Variants in ENPP6 observed in about 807,000 individuals in gnomAD.
ENPP6 encodes ectonucleotide pyrophosphatase/phosphodiesterase 6, also known as glycerophosphocholine cholinephosphodiesterase ENPP6.
A neutral mutation model predicts 42.0 loss-of-function variants in ENPP6; 32 were observed. The ratio of observed to expected loss-of-function variants is 0.76; its 90% CI spans 0.58 to 1.02. The LOEUF (loss-of-function observed/expected upper bound fraction) is 1.02, where lower values mean the gene tolerates loss of function less well. Among genes scored for constraint, ENPP6 ranks in the 50% least tolerant of loss-of-function variants. The pLI is 0.00. For synonymous variants in ENPP6, 213 were observed against 216.0 expected (o/e 0.99, Z 0.12); for missense variants, 552 against 566.8 (o/e 0.97, Z 0.27).
At chr4:184,149,969 C>T (rs1193992326) in intron 2 of ENPP6, among the ~76,000 whole-genome samples, 2 of 152,114 alleles carry the variant, frequency 1.3e-5, no homozygotes, top group Non-Finnish European at 2.9e-5. Flanking sequence ...CGCCCCCAAC[C>T]CCTGCCAATT....
In ENPP6 at chr4:184,184,232, T is replaced by G. The variant is rs897329762; in HGVS notation, c.242-30499A>C. ...CAACCACAGATTTAGCACCAAGAGC[T>G]TTAAGTTTGGAATGATTATATTTAG... On this transcript the variant is annotated intron_variant, in intron 1 of 7. Transcript: ENST00000296741. This position sits in a 1 kb window ranked among gnomAD's most constrained non-coding sequence, Gnocchi z 4.7. Among the ~76,000 whole-genome samples the G allele has an allele frequency of 6.6e-6, 1 of 152,184 alleles. No homozygotes were observed. The highest frequency in any genetic ancestry group is 1.5e-5 in the Non-Finnish European group (1 of 68,038).
At chr4:184,137,182 C>T (rs920722483) in intron 2 of ENPP6, among the ~76,000 whole-genome samples, 2 of 152,196 alleles carry the variant, frequency 1.3e-5, no homozygotes, top group Non-Finnish European at 2.9e-5. Flanking sequence ...CTGCAACCTC[C>T]GCCTTCCAGG....
At chr4:184,099,349 T>C (rs562956616) in intron 6 of ENPP6, among the ~76,000 whole-genome samples, 1 of 152,388 alleles carries the variant, frequency 6.6e-6, no homozygotes, top group South Asian at 2.1e-4. Context: ...AAATTCCAGC[T>C]GCTACTTTCT....
At chr4:184,180,512 G>A (rs1258085677) in intron 1 of ENPP6, among the ~76,000 whole-genome samples, 3 of 151,800 alleles carry the variant, frequency 2.0e-5, no homozygotes, top group African/African-American at 7.3e-5. Context: ...CATTTTATGA[G>A]GCCAGCATCA....
chr4:184,185,392 A>C (rs1434292528), intron 1 of ENPP6, among the ~76,000 whole-genome samples: 2 of 152,190 alleles, frequency 1.3e-5, no homozygotes, highest in Non-Finnish European at 2.9e-5. Context: ...ATGAGGGACA[A>C]CGCATCCCTG....
chr4:184,199,646 C>T (rs1437831733), intron 1 of ENPP6, among the ~76,000 whole-genome samples: 2 of 152,188 alleles, frequency 1.3e-5, no homozygotes, highest in Non-Finnish European at 2.9e-5. Flanking sequence ...CCGTGACATC[C>T]ACAGACACAG....
At chr4:184,113,778 A>G (rs1251853302) in intron 5 of ENPP6, among the ~76,000 whole-genome samples, 1 of 152,176 alleles carries the variant, frequency 6.6e-6, no homozygotes, top group African/African-American at 2.4e-5. Flanking sequence ...CATACTTTGT[A>G]CATCTGCCTG....
rs1668555623 is a variant in ENPP6 at position 184,088,862 on chromosome 4, GT to G, written c.*2314del. The G allele has an allele frequency of 6.6e-6, 1 of 152,088 alleles. No individual in the cohort carries two copies. Among genetic ancestry groups the G allele is most frequent in the Non-Finnish European group, 1.5e-5 (1 of 68,026 alleles). The allele number at this position is 152,088 out of a possible 1,614,324, so 9.4% of individuals were successfully genotyped here. On this transcript the variant is annotated 3_prime_UTR_variant, in exon 8 of 8. Transcript: ENST00000296741. ...AGACAAATATCTAAAGTTTTATTAT[GT>G]AACTTGCAGATTTTCAGGACGAGTG...
At chr4:184,107,861 G>A (rs1332836680) in intron 6 of ENPP6, among the ~76,000 whole-genome samples, 5 of 150,522 alleles carry the variant, frequency 3.3e-5, no homozygotes, top group Non-Finnish European at 5.9e-5. Context: ...CTTGCTGTGA[G>A]CCGAGATCCC....
chr4:184,190,765 C>G (rs1339241865), intron 1 of ENPP6, among the ~76,000 whole-genome samples: 1 of 152,060 alleles, frequency 6.6e-6, no homozygotes, highest in Admixed American at 6.6e-5. Flanking sequence ...AGCAACTTGT[C>G]CAGAGCTGCA....
At chr4:184,107,331 C>T (rs531409373) in intron 6 of ENPP6, among the ~76,000 whole-genome samples, 1 of 152,242 alleles carries the variant, frequency 6.6e-6, no homozygotes, top group Non-Finnish European at 1.5e-5. Flanking sequence ...CTGTGCTTTA[C>T]CTCTTTCTGT....
chr4:184,216,237 G>A, intron 1 of ENPP6, among the ~76,000 whole-genome samples: 1 of 152,352 alleles, frequency 6.6e-6, no homozygotes, highest in Admixed American at 6.5e-5. Context: ...TGCAAGGGGA[G>A]ACACATGCCA....
chr4:184,205,914 G>C (rs1273722139), intron 1 of ENPP6, among the ~76,000 whole-genome samples: 2 of 152,106 alleles, frequency 1.3e-5, no homozygotes, highest in Non-Finnish European at 2.9e-5. Flanking sequence ...GAGAGGACAG[G>C]GTCCTGGGAC....
chr4:184,109,743 A>G (rs1284684423), intron 6 of ENPP6, among the ~76,000 whole-genome samples: 1 of 152,210 alleles, frequency 6.6e-6, no homozygotes, highest in African/African-American at 2.4e-5. Context: ...GTCAATAGCT[A>G]AGCATTCTTC....
intron 1 of ENPP6, among the ~76,000 whole-genome samples, chr4:184,164,640 C>G (rs75118646): frequency 6.6e-6 from 1 of 152,282 alleles, no homozygotes; most frequent in South Asian, 2.1e-4. Context: ...GACTTCTGAC[C>G]TCCGGAACTA....
At chr4:184,190,532 GA>G (rs1732699806) in intron 1 of ENPP6, among the ~76,000 whole-genome samples, 1 of 152,182 alleles carries the variant, frequency 6.6e-6, no homozygotes, top group South Asian at 2.1e-4. Context: ...GTTTGGAGTG[GA>G]AATGAGATGG....
chr4:184,188,533 G>A (rs1020454876), intron 1 of ENPP6, among the ~76,000 whole-genome samples: 5 of 152,042 alleles, frequency 3.3e-5, no homozygotes, highest in African/African-American at 9.7e-5. Context: ...GTCTTGCCAC[G>A]CTGTGTTTGC....
chr4:184,154,520 G>A (rs1299513996), intron 1 of ENPP6, among the ~76,000 whole-genome samples: 1 of 152,194 alleles, frequency 6.6e-6, no homozygotes, highest in Admixed American at 6.5e-5. Flanking sequence ...GACGAAACAT[G>A]CTTCACTGAG....
At chr4:184,107,917 T>TAAAA (rs34041004) in intron 6 of ENPP6, among the ~76,000 whole-genome samples, 2 of 115,936 alleles carry the variant, frequency 1.7e-5, no homozygotes, top group African/African-American at 5.9e-5. Context: ...TCAGTCTCAA[T>TAAAA]AAAAAAAAAA....
Sources: allele counts gnomAD v4.1 joint callset (sites outside exome capture counted in the v4.1 genomes callset), GRCh38; gene constraint gnomAD v4.1.1; non-coding constraint Gnocchi (gnomAD v3.1); transcripts MANE v1.5; gene names NCBI Gene and HGNC (gene_info 2026-07-23, HGNC 2026-07-21).